The following LINGO2 variants were observed in gnomAD, a reference collection of about 807,000 sequenced individuals.
LINGO2 encodes the protein leucine rich repeat and Ig domain containing 2, also known as leucine-rich repeat and immunoglobulin-like domain-containing nogo receptor-interacting protein 2.
A neutral mutation model predicts 30.6 loss-of-function variants in LINGO2; 14 were observed. The ratio of observed to expected loss-of-function variants is 0.46; its 90% CI spans 0.30 to 0.72. The LOEUF is 0.72. LINGO2 is among the 30% of genes least tolerant of loss of function. LINGO2 has a pLI of 0.07. For missense variants in LINGO2, 729 were observed against 751.7 expected (o/e 0.97, Z 0.35); for synonymous variants, 317 against 288.5 (o/e 1.10, Z -1.00).
At chr9:29,154,291 C>CA in the LINGO2 span, among the ~76,000 whole-genome samples, 30,580 of 149,922 alleles carry the variant, frequency 0.2, 3,326 homozygotes, top group East Asian at 0.37. Context: ...ACTAAAAATA[C>CA]AAAAAAAAAT....
At chr9:28,996,246 G>T in the LINGO2 span, among the ~76,000 whole-genome samples, 1 of 151,974 alleles carries the variant, frequency 6.6e-6, no homozygotes, top group Non-Finnish European at 1.5e-5. Context: ...ATTTTTACTA[G>T]AATAAATAGC....
upstream of LINGO2, among the ~76,000 whole-genome samples, chr9:28,671,562 G>A (rs1037302314): frequency 2.1e-4 from 31 of 147,220 alleles, no homozygotes; most frequent in African/African-American, 7.2e-4. Context: ...CATACCACAT[G>A]TTCTCACTTA....
intron 2 of LINGO2, among the ~76,000 whole-genome samples, chr9:28,460,683 G>A (rs1825042432): frequency 6.6e-6 from 1 of 152,112 alleles, no homozygotes; most frequent in South Asian, 2.1e-4. Flanking sequence ...TAATGCATCT[G>A]TAACAGGAAA....
chr9:28,513,918 C>G (rs1390668104), intron 1 of LINGO2, among the ~76,000 whole-genome samples: 1 of 152,166 alleles, frequency 6.6e-6, no homozygotes, highest in Non-Finnish European at 1.5e-5. Flanking sequence ...TTTGTGGCAG[C>G]CTTGCATAGA....
chr9:28,341,755 C>A (rs988807136), intron 3 of LINGO2, among the ~76,000 whole-genome samples: 1 of 152,130 alleles, frequency 6.6e-6, no homozygotes, highest in African/African-American at 2.4e-5. Flanking sequence ...AGATAAGTAT[C>A]CTAGACTGGC....
intron 1 of LINGO2, among the ~76,000 whole-genome samples, chr9:28,646,733 AT>A (rs2135955572): frequency 6.6e-6 from 1 of 152,190 alleles, no homozygotes; most frequent in Non-Finnish European, 1.5e-5. Flanking sequence ...CACCTTTATT[AT>A]TCCACAATTA....
intron 4 of LINGO2, among the ~76,000 whole-genome samples, chr9:28,121,332 G>A (rs1286188696): frequency 6.6e-6 from 1 of 152,062 alleles, no homozygotes; most frequent in Non-Finnish European, 1.5e-5. Flanking sequence ...GACTTTGGTG[G>A]TTTTACTTTA....
chr9:28,262,481 G>T (rs1296873659), intron 4 of LINGO2, among the ~76,000 whole-genome samples: 1 of 151,830 alleles, frequency 6.6e-6, no homozygotes, highest in Admixed American at 6.6e-5. Flanking sequence ...GATTAGTGGG[G>T]TATTCTTCAA....
At chr9:28,518,305 A>G (rs948150147) in intron 1 of LINGO2, among the ~76,000 whole-genome samples, 5 of 152,204 alleles carry the variant, frequency 3.3e-5, no homozygotes, top group Non-Finnish European at 7.3e-5. Context: ...CCACCATTCA[A>G]TGAAATATAT....
chr9:27,953,682 C>T (rs1249031584), intron 5 of LINGO2, among the ~76,000 whole-genome samples: 1 of 151,990 alleles, frequency 6.6e-6, no homozygotes, highest in Non-Finnish European at 1.5e-5. Context: ...GTTTGCTTCC[C>T]CCTTCAGTCA....
intron 4 of LINGO2, among the ~76,000 whole-genome samples, chr9:28,280,599 G>A (rs1361103934): frequency 2.6e-5 from 4 of 152,120 alleles, no homozygotes; most frequent in African/African-American, 9.7e-5. Flanking sequence ...CTCTTCCTCA[G>A]TGTAGAAGAT....
intron 4 of LINGO2, among the ~76,000 whole-genome samples, chr9:28,012,832 T>C (rs914299945): frequency 6.6e-6 from 1 of 152,044 alleles, no homozygotes; most frequent in South Asian, 2.1e-4. Flanking sequence ...AAAAACTGTC[T>C]ATCTGAAATT....
At chr9:28,054,182 C>T (rs1168142806) in intron 4 of LINGO2, among the ~76,000 whole-genome samples, 2 of 152,040 alleles carry the variant, frequency 1.3e-5, no homozygotes, top group African/African-American at 4.8e-5. Flanking sequence ...TATTATAAGG[C>T]ATTAGGAGAA....
intron 4 of LINGO2, among the ~76,000 whole-genome samples, chr9:28,027,452 C>T (rs192244883): frequency 4.1e-4 from 62 of 151,286 alleles, no homozygotes; most frequent in Non-Finnish European, 7.9e-4. Flanking sequence ...TTGAACTACA[C>T]ATAATCACAA....
chr9:28,460,397 C>G (rs1451423955), intron 2 of LINGO2, among the ~76,000 whole-genome samples: 1 of 152,106 alleles, frequency 6.6e-6, no homozygotes, highest in Non-Finnish European at 1.5e-5. Flanking sequence ...GAACTATTAG[C>G]AAAACGTAGC....
chr9:28,737,007 A>G, the LINGO2 span, among the ~76,000 whole-genome samples: 9 of 152,148 alleles, frequency 5.9e-5, no homozygotes, highest in African/African-American at 2.2e-4. Context: ...AGTAGAAGGC[A>G]TATTCCCTTG....
At chr9:28,658,977 T>C (rs1391507282) in intron 1 of LINGO2, among the ~76,000 whole-genome samples, 1 of 152,142 alleles carries the variant, frequency 6.6e-6, no homozygotes, top group Non-Finnish European at 1.5e-5. Context: ...CAATGCAATG[T>C]GGTAAAATGT....
the LINGO2 span, among the ~76,000 whole-genome samples, chr9:29,054,205 C>A: frequency 1.6e-4 from 24 of 152,170 alleles, no homozygotes; most frequent in African/African-American, 5.5e-4. Flanking sequence ...CCCAATTGTA[C>A]AACAAAACTA....
intron 3 of LINGO2, among the ~76,000 whole-genome samples, chr9:28,317,681 G>C (rs1025983044): frequency 7.2e-5 from 11 of 152,120 alleles, no homozygotes; most frequent in African/African-American, 2.7e-4. Flanking sequence ...CATTCTATTT[G>C]CTTTCTCCCT....
Sources: gnomAD v4.1 joint callset for allele counts (sites outside exome capture counted in the v4.1 genomes callset) on GRCh38, gnomAD v4.1.1 for gene constraint, MANE v1.5 for transcripts, NCBI Gene and HGNC (gene_info 2026-07-23, HGNC 2026-07-21) for gene names.